The following CHST11 variants were observed in gnomAD, a reference collection of about 807,000 sequenced individuals.
The protein encoded by CHST11 is carbohydrate sulfotransferase 11.
In CHST11, 9 loss-of-function variants were observed where a neutral mutation model predicts 30.4. That is an observed-to-expected ratio of 0.30 (90% CI 0.18 to 0.52). CHST11 has a LOEUF of 0.52. Ranked by LOEUF, CHST11 falls within the 20% of genes least tolerant of loss-of-function variation. CHST11 has a pLI of 0.97. For synonymous variants in CHST11, 152 were observed against 187.8 expected, an observed-to-expected ratio of 0.81 and a Z score of 1.56; for missense variants, 348 against 460.6, an observed-to-expected ratio of 0.76 and a Z score of 2.24.
intron 1 of CHST11, among the ~76,000 whole-genome samples, chr12:104,572,701 G>A (rs1277066599): frequency 6.6e-6 from 1 of 151,584 alleles, no homozygotes; most frequent in Non-Finnish European, 1.5e-5. Context: ...AGGTTTTTTT[G>A]TGTCTCTGTC....
chr12:104,690,511 A>G (rs973407935), intron 2 of CHST11, among the ~76,000 whole-genome samples: 3 of 152,230 alleles, frequency 2.0e-5, no homozygotes, highest in Non-Finnish European at 4.4e-5. Context: ...GTCATAAAAC[A>G]ATGACAAACA....
intron 2 of CHST11, among the ~76,000 whole-genome samples, chr12:104,721,644 C>T (rs996620738): frequency 3.1e-4 from 47 of 152,040 alleles, no homozygotes; most frequent in African/African-American, 1.0e-3. Context: ...TATTGTACAG[C>T]GTCCCTGGTA....
chr12:104,587,253 A>G (rs908075815), intron 1 of CHST11, among the ~76,000 whole-genome samples: 36 of 152,188 alleles, frequency 2.4e-4, no homozygotes, highest in African/African-American at 8.7e-4. Flanking sequence ...CAACAGATAC[A>G]TTTAGGGTGG....
At chr12:104,564,925 T>C (rs2038547182) in intron 1 of CHST11, among the ~76,000 whole-genome samples, 1 of 152,092 alleles carries the variant, frequency 6.6e-6, no homozygotes, top group Non-Finnish European at 1.5e-5. Flanking sequence ...TGAGATCTCT[T>C]GAGATTTACT....
chr12:104,642,704 A>G (rs1466198340), intron 2 of CHST11, among the ~76,000 whole-genome samples: 1 of 151,990 alleles, frequency 6.6e-6, no homozygotes, highest in Non-Finnish European at 1.5e-5. Flanking sequence ...CCAGCCTGTT[A>G]TGTATCTCTG....
intron 1 of CHST11, among the ~76,000 whole-genome samples, chr12:104,572,357 G>A (rs1303901368): frequency 4.6e-5 from 7 of 151,346 alleles, no homozygotes; most frequent in Non-Finnish European, 8.8e-5. Flanking sequence ...ACTTTTTTTG[G>A]TTGGTAAGCT....
intron 1 of CHST11, among the ~76,000 whole-genome samples, chr12:104,473,198 C>T (rs1315481182): frequency 1.3e-5 from 2 of 150,278 alleles, no homozygotes; most frequent in Non-Finnish European, 2.9e-5. Context: ...TTTCTATTAT[C>T]ATCATTTAAT....
At chr12:104,556,971 A>T (rs1444243003) in intron 1 of CHST11, among the ~76,000 whole-genome samples, 1 of 137,884 alleles carries the variant, frequency 7.3e-6, no homozygotes, top group Non-Finnish European at 1.5e-5. Flanking sequence ...ACAGAGCAAG[A>T]CTCTGTCTCA....
chr12:104,541,978 A>G (rs898877157), intron 1 of CHST11, among the ~76,000 whole-genome samples: 2 of 152,222 alleles, frequency 1.3e-5, no homozygotes, highest in Non-Finnish European at 2.9e-5. Context: ...TAACTGAATG[A>G]TAATACCCCT....
rs115484786 is a variant in CHST11, at chr12:104,522,091, T to C, written c.118+64562T>C. ...TATTAATCAATAATGTGAAATTAAATCAAGAAATTCCTTATGCCGGCACTG... is the reference window on the plus strand; with the variant it reads ...TATTAATCAATAATGTGAAATTAAACCAAGAAATTCCTTATGCCGGCACTG... On this transcript the variant is annotated intron_variant, in intron 1 of 2. Transcript: ENST00000303694. 7.3e-3 allele frequency among the ~76,000 whole-genome samples: 1,110 copies of C among 152,246 alleles called. 17 individuals are homozygous for C. The highest frequency in any genetic ancestry group is 0.025 in the African/African-American group (1,057 of 41,506).
intron 2 of CHST11, among the ~76,000 whole-genome samples, chr12:104,688,606 T>C (rs2039869953): frequency 6.6e-6 from 1 of 152,248 alleles, no homozygotes; most frequent in African/African-American, 2.4e-5. Flanking sequence ...ACCTGTAAGA[T>C]ATTCTCAAGA....
chr12:104,549,187 G>A (rs1048703221), intron 1 of CHST11, among the ~76,000 whole-genome samples: 1 of 152,176 alleles, frequency 6.6e-6, no homozygotes, highest in African/African-American at 2.4e-5. Flanking sequence ...GTCCTGCATG[G>A]GCTGGAGTGG....
intron 2 of CHST11, among the ~76,000 whole-genome samples, chr12:104,706,066 A>G (rs1044996700): frequency 6.6e-6 from 1 of 151,440 alleles, no homozygotes; most frequent in African/African-American, 2.4e-5. Context: ...AGCTGGGGAG[A>G]CAGAATGAGG....
intron 2 of CHST11, among the ~76,000 whole-genome samples, chr12:104,737,039 A>G (rs755043545): frequency 1.3e-5 from 2 of 152,228 alleles, no homozygotes; most frequent in Non-Finnish European, 2.9e-5. Flanking sequence ...AACACCATTT[A>G]TAGATGATCT....
chr12:104,526,616 A>C (rs915021939), intron 1 of CHST11, among the ~76,000 whole-genome samples: 4 of 152,226 alleles, frequency 2.6e-5, no homozygotes, highest in Admixed American at 2.0e-4. Flanking sequence ...TGGGGGCACC[A>C]GAGCGCCAGT....
intron 2 of CHST11, among the ~76,000 whole-genome samples, chr12:104,627,307 C>T (rs2039225761): frequency 6.6e-6 from 1 of 152,106 alleles, no homozygotes; most frequent in Non-Finnish European, 1.5e-5. Context: ...AACATCCATG[C>T]GCAGGTTTTT....
intron 2 of CHST11, among the ~76,000 whole-genome samples, chr12:104,731,488 G>T (rs1342873416): frequency 2.0e-5 from 3 of 152,198 alleles, no homozygotes; most frequent in Non-Finnish European, 2.9e-5. Flanking sequence ...ATTTTGGGGG[G>T]ATCAGAAGGA....
intron 1 of CHST11, among the ~76,000 whole-genome samples, chr12:104,532,864 A>G (rs1168371574): frequency 6.6e-6 from 1 of 152,030 alleles, no homozygotes; most frequent in African/African-American, 2.4e-5. Flanking sequence ...AACCCTCTGG[A>G]TGGTCTCATG....
chr12:104,646,192 G>A (rs2694417), intron 2 of CHST11, among the ~76,000 whole-genome samples: 108,450 of 151,968 alleles, frequency 0.71, 39,634 homozygotes, highest in African/African-American at 0.89. Flanking sequence ...CCCGCATCCC[G>A]TTAGTCTGCC....
Sources: allele counts gnomAD v4.1 joint callset (sites outside exome capture counted in the v4.1 genomes callset), GRCh38; gene constraint gnomAD v4.1.1; transcripts MANE v1.5; gene names NCBI Gene and HGNC (gene_info 2026-07-23, HGNC 2026-07-21).